PTPRM: variants seen among roughly 807,000 people sequenced by gnomAD.
PTPRM encodes the protein protein tyrosine phosphatase receptor type M, also known as receptor-type tyrosine-protein phosphatase mu.
A neutral mutation model predicts 186.7 loss-of-function variants in PTPRM; 47 were observed. The observed-to-expected ratio is 0.25, with a 90% confidence interval of 0.20 to 0.32. The LOEUF is 0.32. Among genes scored for constraint, PTPRM ranks in the 10% least tolerant of loss-of-function variants. PTPRM has a pLI of 1.00. For synonymous variants in PTPRM, 668 were observed against 674.9 expected, an observed-to-expected ratio of 0.99 and a Z score of 0.16; for missense variants, 1,494 against 1,865.0, an observed-to-expected ratio of 0.80 and a Z score of 3.66.
chr18:7,870,321 T>A (rs1409695064), intron 2 of PTPRM, among the ~76,000 whole-genome samples: 2 of 152,242 alleles, frequency 1.3e-5, no homozygotes, highest in Admixed American at 6.5e-5. Context: ...TTGGCATGAC[T>A]GTATTTTATA....
intron 7 of PTPRM, among the ~76,000 whole-genome samples, chr18:8,048,867 T>C (rs2087260935): frequency 6.6e-6 from 1 of 152,226 alleles, no homozygotes; most frequent in East Asian, 1.9e-4. Context: ...TTTTCATCAC[T>C]AATTACATTA....
At chr18:7,612,860 A>G (rs2037709378) in intron 1 of PTPRM, among the ~76,000 whole-genome samples, 3 of 152,186 alleles carry the variant, frequency 2.0e-5, no homozygotes. Context: ...TTGGGCTTAC[A>G]AAGTGGAATG....
intron 7 of PTPRM, among the ~76,000 whole-genome samples, chr18:8,057,557 A>C (rs1293963576): frequency 3.0e-5 from 4 of 133,740 alleles, no homozygotes; most frequent in East Asian, 4.6e-4. Context: ...CACCCACTAA[A>C]TCGTCATCTA....
chr18:8,179,909 A>G (rs1451302347), intron 14 of PTPRM, among the ~76,000 whole-genome samples: 1 of 152,214 alleles, frequency 6.6e-6, no homozygotes, highest in African/African-American at 2.4e-5. Flanking sequence ...CCTTTGAATT[A>G]GACAACAGTC....
At chr18:8,088,685 G>A in intron 10 of PTPRM, 64 bp from the exon 11 acceptor site, 1 of 1,326,274 alleles carries the variant, frequency 7.5e-7, no homozygotes, top group Non-Finnish European at 1.1e-6. Context: ...AAAAGAAAGT[G>A]GAAACTAAAC....
intron 7 of PTPRM, among the ~76,000 whole-genome samples, chr18:8,042,380 G>T (rs1243120416): frequency 4.6e-5 from 7 of 152,014 alleles, no homozygotes; most frequent in African/African-American, 7.2e-5. Flanking sequence ...ATTGAAAATG[G>T]CATATATCAA....
intron 1 of PTPRM, among the ~76,000 whole-genome samples, chr18:7,768,389 A>G (rs1342248399): frequency 6.6e-6 from 1 of 152,058 alleles, no homozygotes; most frequent in African/African-American, 2.4e-5. Context: ...GGTACTCTGG[A>G]GGCTGAGGTG....
At chr18:7,818,926 CAGAGCCCT>C (rs765968014) in intron 2 of PTPRM, among the ~76,000 whole-genome samples, 13 of 152,166 alleles carry the variant, frequency 8.5e-5, no homozygotes, top group Non-Finnish European at 1.6e-4. Context: ...GGATTATAGA[CAGAGCCCT>C]AGAAACCTCA....
chr18:7,832,759 A>G (rs2045825544), intron 2 of PTPRM, among the ~76,000 whole-genome samples: 3 of 152,198 alleles, frequency 2.0e-5, no homozygotes, highest in African/African-American at 7.2e-5. Context: ...GCAGTCTTAG[A>G]TTGAAGTCTT....
chr18:7,945,516 A>G (rs1328932460), intron 5 of PTPRM, among the ~76,000 whole-genome samples: 1 of 152,054 alleles, frequency 6.6e-6, no homozygotes, highest in Non-Finnish European at 1.5e-5. Context: ...GGCCCTCACC[A>G]GATGAGGCCA....
chr18:8,202,454 C>T (rs1299813027), intron 14 of PTPRM, among the ~76,000 whole-genome samples: 3 of 152,288 alleles, frequency 2.0e-5, no homozygotes, highest in African/African-American at 4.8e-5. Context: ...AGTCAGTAAG[C>T]ACCTCTACTT....
intron 7 of PTPRM, among the ~76,000 whole-genome samples, chr18:8,054,595 A>G (rs955147783): frequency 2.0e-5 from 3 of 152,004 alleles, no homozygotes; most frequent in African/African-American, 4.8e-5. Context: ...AGTGATGGAA[A>G]GATCTTACAA....
intron 2 of PTPRM, among the ~76,000 whole-genome samples, chr18:7,862,066 G>A (rs1236081268): frequency 6.6e-6 from 1 of 152,252 alleles, no homozygotes; most frequent in Non-Finnish European, 1.5e-5. Context: ...TTCATGCCGT[G>A]TACACCTTTG....
At chr18:7,781,507 A>C (rs114248820) in intron 2 of PTPRM, among the ~76,000 whole-genome samples, 1,797 of 151,512 alleles carry the variant, frequency 0.012, 42 homozygotes, top group African/African-American at 0.041. Context: ...TTAAATGGGT[A>C]AATTACGTGT....
At chr18:8,223,791 A>C (rs2094182190) in intron 14 of PTPRM, among the ~76,000 whole-genome samples, 3 of 152,188 alleles carry the variant, frequency 2.0e-5, no homozygotes, top group African/African-American at 7.2e-5. Flanking sequence ...ATAACATTTA[A>C]TATGGTGGGG....
At position 8,110,146 on chromosome 18, in the gene PTPRM, T is replaced by C. The variant is rs536340544; in HGVS notation, c.1857-3340T>C. ...GGATTATAGCATGCTTTCAGAAATATGTACTTCACAGCCGAAGTGTCACGA... is the reference window on the plus strand; with the variant it reads ...GGATTATAGCATGCTTTCAGAAATACGTACTTCACAGCCGAAGTGTCACGA... On this transcript the variant is annotated intron_variant, in intron 11 of 32. Transcript: ENST00000580170. Among the ~76,000 whole-genome samples, 14 of 152,270 alleles carry C rather than the reference T, an allele frequency of 9.2e-5. No individual in the cohort carries two copies. The South Asian group carries it at 2.7e-3, about 29-fold the overall frequency.
chr18:8,102,341 G>C (rs999980753), intron 11 of PTPRM, among the ~76,000 whole-genome samples: 4 of 152,232 alleles, frequency 2.6e-5, no homozygotes, highest in Non-Finnish European at 5.9e-5. Flanking sequence ...TATAGCATGG[G>C]ATGCTGTTGG....
chr18:7,783,772 G>GTGTC (rs972530130), intron 2 of PTPRM, among the ~76,000 whole-genome samples: 1 of 150,852 alleles, frequency 6.6e-6, no homozygotes, highest in Non-Finnish European at 1.5e-5. Context: ...GTGTGTGTGT[G>GTGTC]TATGTGTGTG....
intron 5 of PTPRM, among the ~76,000 whole-genome samples, chr18:7,934,827 T>G (rs1468676238): frequency 6.6e-6 from 1 of 152,240 alleles, no homozygotes; most frequent in Non-Finnish European, 1.5e-5. Flanking sequence ...TGTTGTATCG[T>G]AACCATAATG....
Sources: allele counts gnomAD v4.1 joint callset (sites outside exome capture counted in the v4.1 genomes callset), GRCh38; gene constraint gnomAD v4.1.1; transcripts MANE v1.5; gene names NCBI Gene and HGNC (gene_info 2026-07-23, HGNC 2026-07-21).